NALF1: variants seen among roughly 807,000 people sequenced by gnomAD.
NALF1 encodes NALCN channel auxiliary factor 1.
A neutral mutation model predicts 48.4 loss-of-function variants in NALF1; 3 were observed. The ratio of observed to expected loss-of-function variants is 0.06; its 90% confidence interval spans 0.03 to 0.16. NALF1 has a LOEUF of 0.16. NALF1 is among the 10% of genes least tolerant of loss of function. The pLI is 1.00. For synonymous variants in NALF1, 262 were observed against 245.7 expected (o/e 1.07, Z -0.62); for missense variants, 526 against 571.5 (o/e 0.92, Z 0.81).
chr13:107,679,563 G>A (rs550955769), intron 1 of NALF1, among the ~76,000 whole-genome samples: 11 of 152,162 alleles, frequency 7.2e-5, no homozygotes, highest in Non-Finnish European at 1.3e-4. Flanking sequence ...AGTGGACATG[G>A]GCTCTGTGCC....
intron 1 of NALF1, among the ~76,000 whole-genome samples, chr13:107,763,117 C>T (rs1433400747): frequency 6.6e-6 from 1 of 151,342 alleles, no homozygotes; most frequent in African/African-American, 2.4e-5. Flanking sequence ...TGGCATTAAA[C>T]AAACTTTTTG....
At chr13:107,488,861 A>G (rs746879952) in intron 1 of NALF1, among the ~76,000 whole-genome samples, 14 of 152,180 alleles carry the variant, frequency 9.2e-5, no homozygotes, top group Non-Finnish European at 1.9e-4. Flanking sequence ...ACAAAATTCT[A>G]TATCTAGAAA....
intron 1 of NALF1, among the ~76,000 whole-genome samples, chr13:107,243,910 G>C (rs2138837471): frequency 6.6e-6 from 1 of 152,124 alleles, no homozygotes; most frequent in African/African-American, 2.4e-5. Context: ...CAAAGAAATG[G>C]GGGGCTTCCA....
chr13:107,632,855 A>G (rs1347329216), intron 1 of NALF1, among the ~76,000 whole-genome samples: 2 of 151,978 alleles, frequency 1.3e-5, no homozygotes, highest in African/African-American at 4.8e-5. Context: ...TAGAGGAAAA[A>G]CAAGCCCAGA....
intron 1 of NALF1, among the ~76,000 whole-genome samples, chr13:107,352,097 C>T (rs539587002): frequency 2.0e-5 from 3 of 152,282 alleles, no homozygotes; most frequent in African/African-American, 7.2e-5. Context: ...TACATGCATA[C>T]AAATTCGGTT....
chr13:107,322,757 A>T (rs114400773), intron 1 of NALF1, among the ~76,000 whole-genome samples: 260 of 152,230 alleles, frequency 1.7e-3, no homozygotes, highest in African/African-American at 5.7e-3. Context: ...TCAAGTCCAC[A>T]ATTCTGTAAG....
chr13:107,378,297 A>C (rs1883374085), intron 1 of NALF1, among the ~76,000 whole-genome samples: 1 of 152,186 alleles, frequency 6.6e-6, no homozygotes, highest in Admixed American at 6.5e-5. Flanking sequence ...ACTAATGCCA[A>C]GGAGTATTGG....
chr13:107,632,992 G>T (rs1879873978), intron 1 of NALF1, among the ~76,000 whole-genome samples: 1 of 151,850 alleles, frequency 6.6e-6, no homozygotes, highest in Non-Finnish European at 1.5e-5. Flanking sequence ...CTTCAGGGAG[G>T]ATTAGCATGC....
intron 1 of NALF1, among the ~76,000 whole-genome samples, chr13:107,337,970 T>C (rs1451197943): frequency 6.6e-6 from 1 of 152,194 alleles, no homozygotes; most frequent in African/African-American, 2.4e-5. Flanking sequence ...GTGTCTGTGG[T>C]TATGCTGGGA....
In NALF1 at chr13:107,487,073, C is replaced by G. The variant is rs1047629136; in HGVS notation, c.916-276318G>C. Among the ~76,000 whole-genome samples, 11 of 152,094 alleles carry G rather than the reference C, an allele frequency of 7.2e-5. No homozygotes were observed. The East Asian group carries it at 2.1e-3, about 29-fold the overall frequency. On this transcript the variant is annotated intron_variant, in intron 1 of 2. Transcript: ENST00000375915. ...TCCGTGCAGCTTCTGTCTGTGTGTC[C>G]CCAGATGACTCCCATCATTTGATGA...
At chr13:107,747,566 T>C (rs1876816668) in intron 1 of NALF1, among the ~76,000 whole-genome samples, 1 of 152,172 alleles carries the variant, frequency 6.6e-6, no homozygotes, top group Admixed American at 6.6e-5. Context: ...CTGGTGTAAA[T>C]CTAATGTTTG....
chr13:107,284,920 A>T (rs1448764888), intron 1 of NALF1, among the ~76,000 whole-genome samples: 1 of 150,592 alleles, frequency 6.6e-6, no homozygotes, highest in Non-Finnish European at 1.5e-5. Flanking sequence ...TTTTTTTTAA[A>T]TGATAGATTG....
At chr13:107,440,343 C>G (rs1884535990) in intron 1 of NALF1, among the ~76,000 whole-genome samples, 1 of 152,154 alleles carries the variant, frequency 6.6e-6, no homozygotes, top group Admixed American at 6.6e-5. Context: ...ATGGAAATAT[C>G]AATTCAATAC....
chr13:107,678,253 T>A (rs544559391), intron 1 of NALF1, among the ~76,000 whole-genome samples: 6 of 152,264 alleles, frequency 3.9e-5, no homozygotes, highest in Non-Finnish European at 7.3e-5. Flanking sequence ...ACGGGAGGGA[T>A]GAACTGTGTG....
At chr13:107,399,220 A>G (rs1030904250) in intron 1 of NALF1, among the ~76,000 whole-genome samples, 1 of 152,154 alleles carries the variant, frequency 6.6e-6, no homozygotes, top group Non-Finnish European at 1.5e-5. Context: ...AGGGGGTTGT[A>G]TACAAATTAT....
chr13:107,253,672 C>T (rs537677803), intron 1 of NALF1, among the ~76,000 whole-genome samples: 4 of 152,262 alleles, frequency 2.6e-5, no homozygotes, highest in Middle Eastern at 6.8e-3. Flanking sequence ...CTTAACCTCC[C>T]GTTCCTCTCT....
intron 1 of NALF1, among the ~76,000 whole-genome samples, chr13:107,424,929 A>G (rs763946220): frequency 9.9e-5 from 15 of 152,220 alleles, no homozygotes; most frequent in Admixed American, 5.9e-4. Context: ...TAGCATTTAC[A>G]TATAAATGGA....
chr13:107,281,549 G>C (rs1344020130), intron 1 of NALF1, among the ~76,000 whole-genome samples: 1 of 152,196 alleles, frequency 6.6e-6, no homozygotes, highest in Non-Finnish European at 1.5e-5. Context: ...GCTGCAAAAA[G>C]TGACGGTAAT....
intron 1 of NALF1, among the ~76,000 whole-genome samples, chr13:107,616,721 A>G (rs1307234864): frequency 6.6e-6 from 1 of 152,178 alleles, no homozygotes; most frequent in Non-Finnish European, 1.5e-5. Context: ...CTTTGAGGTC[A>G]TCCGAATATT....
Sources: allele counts gnomAD v4.1 joint callset (sites outside exome capture counted in the v4.1 genomes callset), GRCh38; gene constraint gnomAD v4.1.1; transcripts MANE v1.5; gene names NCBI Gene and HGNC (gene_info 2026-07-23, HGNC 2026-07-21).